The following PKP4 variants were observed in gnomAD, a reference collection of about 807,000 sequenced individuals.
PKP4 encodes plakophilin-4.
In PKP4, 90 loss-of-function variants were observed where a neutral mutation model predicts 145.1. That is an observed-to-expected ratio of 0.62 (90% confidence interval 0.52 to 0.74). The LOEUF (loss-of-function observed/expected upper bound fraction) is 0.74. Among genes scored for constraint, PKP4 ranks in the 30% least tolerant of loss-of-function variants. PKP4 has a pLI of 0.00. For synonymous variants in PKP4, 563 were observed against 577.2 expected (o/e 0.98, Z 0.35); for missense variants, 1,340 against 1,482.7 (o/e 0.90, Z 1.58).
intron 7 of PKP4, among the ~76,000 whole-genome samples, chr2:158,628,875 T>C (rs911675790): frequency 6.6e-6 from 1 of 152,178 alleles, no homozygotes; most frequent in Admixed American, 6.5e-5. Flanking sequence ...AGTCTTCGGC[T>C]TGGCTCTGTC....
chr2:158,602,781 T>G (rs2105849381), intron 3 of PKP4, among the ~76,000 whole-genome samples: 1 of 152,324 alleles, frequency 6.6e-6, no homozygotes, highest in South Asian at 2.1e-4. Flanking sequence ...AAAACTGTAG[T>G]ACATCATGTA....
At chr2:158,523,362 G>A (rs1250243452) in intron 1 of PKP4, among the ~76,000 whole-genome samples, 3 of 102,314 alleles carry the variant, frequency 2.9e-5, no homozygotes, top group African/African-American at 1.1e-4. Context: ...CACCCCCCCA[G>A]CAGGGGCACA....
At chr2:158,580,221 T>A (rs969008412) in intron 3 of PKP4, among the ~76,000 whole-genome samples, 1 of 152,224 alleles carries the variant, frequency 6.6e-6, no homozygotes, top group African/African-American at 2.4e-5. Flanking sequence ...TATGTTTTTT[T>A]AAAATCTCTA....
chr2:158,587,788 ATTT>A (rs1430815682), intron 3 of PKP4, among the ~76,000 whole-genome samples: 1 of 151,910 alleles, frequency 6.6e-6, no homozygotes, highest in Non-Finnish European at 1.5e-5. Flanking sequence ...CCTTTGCCAC[ATTT>A]TCTCTTCCCC....
In PKP4 at chr2:158,621,397, A is replaced by G. The variant is rs1410421483; in HGVS notation, c.579A>G (p.Arg193=). 6.2e-7 allele frequency: 1 copy of G among 1,614,100 alleles called. No individual in the cohort carries two copies. ...STNNHVVRNS[R]AEGQTLVQPS... ...ACAACCATGTGGTGAGGAATTCAAG[A>G]GCTGAAGGACAAACACTGGTTCAGG... The change falls in exon 6 of 22, where the codon AGA becomes AGG. Residue 193 remains arginine (R), a synonymous_variant. Transcript: ENST00000389759.
intron 1 of PKP4, among the ~76,000 whole-genome samples, chr2:158,467,078 C>A (rs1690740329): frequency 6.6e-6 from 1 of 152,114 alleles, no homozygotes; most frequent in Non-Finnish European, 1.5e-5. Flanking sequence ...CTTGTTTTGA[C>A]CTAGTTGGTA....
chr2:158,519,985 GA>G (rs887385967), intron 1 of PKP4, among the ~76,000 whole-genome samples: 51 of 147,482 alleles, frequency 3.5e-4, no homozygotes, highest in Non-Finnish European at 6.3e-4. Context: ...TCCTCAGAAA[GA>G]AAAAAAAAAT....
chr2:158,612,092 A>G lies in PKP4; in HGVS notation c.281-8898A>G, dbSNP rs75998726. ...CTTCATTCCAACATGTTCCCATACC[A>G]TGACCAACACACCTACACAACTGCA... On this transcript the variant is annotated intron_variant, in intron 4 of 21. Coordinates refer to ENST00000389759, the MANE Select transcript of PKP4 (RefSeq NM_003628.6). Among the ~76,000 whole-genome samples the G allele has an allele frequency of 3.6e-4, 55 of 151,946 alleles. No individual in the cohort carries two copies. The East Asian group carries it at 9.8e-3, about 27-fold the overall frequency.
chr2:158,664,062 T>C (rs2056856542), intron 15 of PKP4, among the ~76,000 whole-genome samples: 1 of 152,220 alleles, frequency 6.6e-6, no homozygotes, highest in African/African-American at 2.4e-5. Context: ...CAGGAGGGAC[T>C]ACCGAAAGAG....
chr2:158,630,796 A>C (rs191600053), intron 7 of PKP4, among the ~76,000 whole-genome samples: 2 of 152,232 alleles, frequency 1.3e-5, no homozygotes. Context: ...ATATAATAAT[A>C]AGTCATTCTC....
At chr2:158,467,493 A>G (rs1262289382) in intron 1 of PKP4, among the ~76,000 whole-genome samples, 1 of 148,630 alleles carries the variant, frequency 6.7e-6, no homozygotes, top group African/African-American at 2.5e-5. Flanking sequence ...GCAAGACTGC[A>G]GTGAGCCATG....
intron 1 of PKP4, among the ~76,000 whole-genome samples, chr2:158,530,488 G>C (rs2043419516): frequency 7.2e-6 from 1 of 139,696 alleles, no homozygotes. Flanking sequence ...CTTTACGATA[G>C]AAGTACTCTT....
At chr2:158,529,967 G>A (rs1362899625) in intron 1 of PKP4, among the ~76,000 whole-genome samples, 1 of 152,176 alleles carries the variant, frequency 6.6e-6, no homozygotes, top group African/African-American at 2.4e-5. Context: ...CTGGCATTAT[G>A]TTAGAAACCT....
intron 1 of PKP4, among the ~76,000 whole-genome samples, chr2:158,520,200 C>G (rs1281357640): frequency 6.6e-6 from 1 of 152,106 alleles, no homozygotes. Flanking sequence ...AGAGGAGCAC[C>G]ACTCACATAA....
intron 1 of PKP4, among the ~76,000 whole-genome samples, chr2:158,501,786 G>A (rs1696620850): frequency 7.4e-6 from 1 of 134,300 alleles, no homozygotes; most frequent in African/African-American, 2.5e-5. Context: ...CTCTTATACT[G>A]TCTTCTGTCT....
At chr2:158,515,239 A>G (rs936110653) in intron 1 of PKP4, among the ~76,000 whole-genome samples, 3 of 152,236 alleles carry the variant, frequency 2.0e-5, no homozygotes, top group African/African-American at 2.4e-5. Context: ...AAGCATGAAA[A>G]AACAGCTAAA....
chr2:158,632,829 C>T (rs2053492376), intron 8 of PKP4, among the ~76,000 whole-genome samples: 2 of 152,044 alleles, frequency 1.3e-5, no homozygotes, highest in South Asian at 2.1e-4. Context: ...TTCTAATAGA[C>T]ATTAATAAAG....
chr2:158,675,862 G>A (rs2057960632), intron 19 of PKP4, among the ~76,000 whole-genome samples: 1 of 152,214 alleles, frequency 6.6e-6, no homozygotes, highest in African/African-American at 2.4e-5. Flanking sequence ...AACCACTGGT[G>A]TCAAGGTTTG....
chr2:158,569,321 A>C (rs2047242581), intron 2 of PKP4, among the ~76,000 whole-genome samples: 1 of 152,200 alleles, frequency 6.6e-6, no homozygotes, highest in Non-Finnish European at 1.5e-5. Flanking sequence ...TCCTATTAGA[A>C]TATTAGCTAG....
Sources: allele counts gnomAD v4.1 joint callset (sites outside exome capture counted in the v4.1 genomes callset), GRCh38; gene constraint gnomAD v4.1.1; transcripts MANE v1.5; gene names NCBI Gene and HGNC (gene_info 2026-07-23, HGNC 2026-07-21).